The following ZNF384 variants were observed in gnomAD, a reference collection of about 807,000 sequenced individuals.
ZNF384 encodes CAG repeat protein 1.
In ZNF384, 20 loss-of-function variants were observed where a neutral mutation model predicts 65.0. The ratio of observed to expected loss-of-function variants is 0.31; its 90% confidence interval spans 0.22 to 0.45. The LOEUF (loss-of-function observed/expected upper bound fraction) is 0.45. ZNF384 is among the 20% of genes least tolerant of loss of function. The pLI is 1.00. For synonymous variants in ZNF384, 310 were observed against 303.9 expected (o/e 1.02, Z -0.21); for missense variants, 549 against 769.4 (o/e 0.71, Z 3.39).
intron 2 of ZNF384, among the ~76,000 whole-genome samples, chr12:6,679,922 C>T (rs1468253797): frequency 6.6e-6 from 1 of 152,206 alleles, no homozygotes; most frequent in Non-Finnish European, 1.5e-5. Context: ...GGTGCCAGTA[C>T]CTAGCATGAC....
intron 2 of ZNF384, among the ~76,000 whole-genome samples, chr12:6,684,136 C>T (rs1264056740): frequency 6.6e-6 from 1 of 152,110 alleles, no homozygotes; most frequent in African/African-American, 2.4e-5. Context: ...TTAGTCCCTG[C>T]AACAATGAGG....
chr12:6,669,965 C>T (rs768911489), intron 10 of ZNF384, among the ~76,000 whole-genome samples: 99 of 152,024 alleles, frequency 6.5e-4, no homozygotes, highest in Non-Finnish European at 1.3e-3. Flanking sequence ...CACACACAAA[C>T]ACAAAGATGA....
chr12:6,678,924 G>C lies in ZNF384; in HGVS notation c.304+22C>G, dbSNP rs1461295723. 2 of 1,607,368 alleles carry C rather than the reference G, an allele frequency of 1.2e-6. No individual in the cohort carries two copies. Among genetic ancestry groups the C allele is most frequent in the Non-Finnish European group, 1.7e-6 (2 of 1,174,430 alleles). ...TCATGGAAGATCAACACCTCAGATT[G>C]GAGAAGAGCAGAGTTGCTCACCAGC... On this transcript the variant is annotated intron_variant, in intron 4 of 11. Transcript: ENST00000683879. The surrounding 1 kb of genome is among the most constrained non-coding windows in gnomAD (Gnocchi z 4.9).
At position 6,667,211 on chromosome 12, in the gene ZNF384, GGAA is replaced by G. The variant is rs1332059225; in HGVS notation, c.*500_*502del. 33 of 276,932 alleles carry G rather than the reference GGAA, an allele frequency of 1.2e-4. No individual in the cohort carries two copies. The East Asian group carries it at 1.7e-3, about 14-fold the overall frequency. 17.2% of individuals were successfully genotyped at this position (276,932 alleles called of 1,614,324 possible). A position where few individuals can be genotyped will look rare whatever the true frequency, so the allele number is the denominator to read the frequency against. ...AGGAAGCAAAGTGAGACGATGTAGG[GGAA>G]GAAATGGCTCTCAGGGACTGAGGCA... On this transcript the variant is annotated 3_prime_UTR_variant, in exon 12 of 12. Transcript: ENST00000683879.
Position 6,667,063 on chromosome 12 carries a change from C to G in ZNF384, c.*651G>C, listed in dbSNP as rs543536393. On this transcript the variant is annotated 3_prime_UTR_variant, in exon 12 of 12. Transcript: ENST00000683879. The stretch of plus-strand genomic sequence containing the variant: ...ATCCGTAAAACCATAACACACACTT[C>G]TAAGCCACCTGTGACCAACTTGGGA... The G allele has an allele frequency of 4.3e-6, 1 of 230,890 alleles. No homozygotes were observed. Among genetic ancestry groups the G allele is most frequent in the Admixed American group, 5.3e-5 (1 of 19,028 alleles). 14.3% of individuals were successfully genotyped at this position (230,890 alleles called of 1,614,324 possible). A position where few individuals can be genotyped will look rare whatever the true frequency, so the allele number is the denominator to read the frequency against.
Position 6,676,161 on chromosome 12 carries a change from G to A in ZNF384, c.779+1006C>T, listed in dbSNP as rs150099967. ...CTAAAAATACAAAAGAATTAGCTGG[G>A]CGTGGTGGCGCACCTATAGTCCCAG... On this transcript the variant is annotated intron_variant, in intron 7 of 11. Coordinates refer to ENST00000683879, the MANE Select transcript of ZNF384 (RefSeq NM_001385745.1). 3.5e-3 allele frequency among the ~76,000 whole-genome samples: 534 copies of A among 152,270 alleles called. 2 individuals carry two copies. Among genetic ancestry groups the A allele is most frequent in the African/African-American group, 0.013 (522 of 41,558 alleles).
intron 6 of ZNF384, among the ~76,000 whole-genome samples, chr12:6,677,767 A>AG (rs1479449560): frequency 2.6e-5 from 4 of 152,216 alleles, no homozygotes; most frequent in Non-Finnish European, 5.9e-5. Context: ...AAGGTTTCTT[A>AG]GAAAAATAGG....
At chr12:6,675,185 C>A (rs1953022755) in intron 7 of ZNF384, among the ~76,000 whole-genome samples, 1 of 152,138 alleles carries the variant, frequency 6.6e-6, no homozygotes, top group Non-Finnish European at 1.5e-5. Context: ...AGGGAATGAG[C>A]AATCTCAGAA....
At chr12:6,670,661 G>T (rs905073778) in intron 10 of ZNF384, 99 bp downstream of exon 10, 2 of 1,098,226 alleles carry the variant, frequency 1.8e-6, no homozygotes, top group Non-Finnish European at 2.8e-6. Flanking sequence ...AATAATGTTT[G>T]AGTGTAAAGG....
intron 2 of ZNF384, among the ~76,000 whole-genome samples, chr12:6,685,579 C>G (rs1350483188): frequency 1.3e-5 from 2 of 151,832 alleles, no homozygotes; most frequent in East Asian, 1.9e-4. Context: ...TCAAGACCAG[C>G]CTGGGCAACA....
rs1444209568 is a variant in ZNF384 at position 6,666,971 on chromosome 12, G to A, written c.*743C>T. On this transcript the variant is annotated 3_prime_UTR_variant, in exon 12 of 12. Coordinates refer to ENST00000683879, the MANE Select transcript of ZNF384 (RefSeq NM_001385745.1). ...ACACAAAGCCTCCCACAGCTCCTTGGGGGTGGGTTGGGGAGACTGAGAGTA... is the reference window on the plus strand; with the variant it reads ...ACACAAAGCCTCCCACAGCTCCTTGAGGGTGGGTTGGGGAGACTGAGAGTA... The A allele has an allele frequency of 4.6e-6, 1 of 216,354 alleles. No individual in the cohort carries two copies. The highest frequency in any genetic ancestry group is 9.3e-6 in the Non-Finnish European group (1 of 107,462). The allele number at this position is 216,354 out of a possible 1,614,324, so 13.4% of individuals were successfully genotyped here. A position where few individuals can be genotyped will look rare whatever the true frequency, so the allele number is the denominator to read the frequency against.
At position 6,668,004 on chromosome 12, in the gene ZNF384, C is replaced by G; in HGVS notation, c.1537G>C (p.Ala513Pro). 6.2e-7 allele frequency: 1 copy of G among 1,613,112 alleles called. No individual in the cohort carries two copies. Among genetic ancestry groups the G allele is most frequent in the Non-Finnish European group, 8.5e-7 (1 of 1,179,594 alleles). Residue 513 changes from alanine to proline, a missense_variant, in exon 12 of 12, where the codon GCC (alanine) becomes CCC (proline). Transcript: ENST00000683879. Reference protein sequence around the residue: ...AVAQAQAQAQAQAQAQAQAQA... With the variant: ...AVAQAQAQAQPQAQAQAQAQA... ...GCTTGAGCCTGAGCCTGAGCCTGGG[C>G]TTGAGCTTGAGCCTGGGCCTGGGCC...
chr12:6,681,098 A>G (rs1955746317), intron 2 of ZNF384, among the ~76,000 whole-genome samples: 1 of 151,912 alleles, frequency 6.6e-6, no homozygotes, highest in Non-Finnish European at 1.5e-5. Flanking sequence ...GCATGCCTGT[A>G]ATCCCAGCTA....
At chr12:6,685,322 C>CAGAAAGAA (rs113284446) in intron 2 of ZNF384, among the ~76,000 whole-genome samples, 5 of 146,430 alleles carry the variant, frequency 3.4e-5, no homozygotes, top group Non-Finnish European at 7.5e-5. Flanking sequence ...GACCCTGTCT[C>CAGAAAGAA]AAAAAGAAAA....
At position 6,667,761 on chromosome 12, in the gene ZNF384, T is replaced by C. The variant is rs1950081997; in HGVS notation, c.1780A>G (p.Thr594Ala). ...TAEHHKDICL[T>A]VTTSTIQVEH... ...ACCTGGATGGTGCTGGTGGTGACAG[T>C]GAGGCAGATGTCCTTATGATGCTCC... The change falls in exon 12 of 12, where the codon ACT becomes GCT. Residue 594 changes from threonine to alanine, a missense_variant. Around this residue, in one of 5 missense-constraint regions of ZNF384, gnomAD observed 136 missense variants for 183.0 expected, o/e 0.74. Transcript: ENST00000683879. 6.2e-7 allele frequency: 1 copy of C among 1,614,042 alleles called. No homozygotes were observed. Among genetic ancestry groups the C allele is most frequent in the Non-Finnish European group, 8.5e-7 (1 of 1,180,028 alleles).
chr12:6,673,517 A>G lies in ZNF384; in HGVS notation c.780-77T>C. ...CTGAACCCTCCCCTCTACTTCCAAG[A>G]GAAGCCCACCTATCTGAGGTCTCTC... On this transcript the variant is annotated intron_variant, in intron 7 of 11. Transcript: ENST00000683879. The surrounding 1 kb of genome is among the most constrained non-coding windows in gnomAD (Gnocchi z 4.7). 3 of 1,315,668 alleles carry G rather than the reference A, an allele frequency of 2.3e-6. No individual in the cohort carries two copies. The highest frequency in any genetic ancestry group is 2.9e-5 in the African/African-American group (2 of 68,554). 81.5% of individuals were successfully genotyped at this position (1,315,668 alleles called of 1,614,324 possible).
At chr12:6,674,145 C>T (rs572725692) in intron 7 of ZNF384, among the ~76,000 whole-genome samples, 2 of 152,316 alleles carry the variant, frequency 1.3e-5, no homozygotes, top group Admixed American at 1.3e-4. Flanking sequence ...TGCCATCCCT[C>T]AAGCATTTGG....
In ZNF384 at chr12:6,678,706, G is replaced by A. The variant is rs1954724462; in HGVS notation, c.309C>T (p.Val103=). The change falls in exon 5 of 12, where the codon GTC becomes GTT. Residue 103 remains valine (V), a synonymous_variant. Coordinates refer to ENST00000683879, the MANE Select transcript of ZNF384 (RefSeq NM_001385745.1). The surrounding 1 kb of genome is among the most constrained non-coding windows in gnomAD (Gnocchi z 4.9). ...CTCTTCTCCACCTCTGAGAACAGGA[G>A]ACTCCTTGATTCAGAGAAGGAAAGA... ...VPSTGLMTAG[V]SCSQRWRREG... 4.3e-6 allele frequency: 7 copies of A among 1,613,984 alleles called. No homozygotes were observed. The highest frequency in any genetic ancestry group is 5.1e-6 in the Non-Finnish European group (6 of 1,179,974).
rs1201534295 is a variant in ZNF384 at position 6,667,196 on chromosome 12, G to A, written c.*518C>T. ...CTACCAGCAGTCAATAGGAAGCAAAGTGAGACGATGTAGGGGAAGAAATGG... is the reference window on the plus strand; with the variant it reads ...CTACCAGCAGTCAATAGGAAGCAAAATGAGACGATGTAGGGGAAGAAATGG... On this transcript the variant is annotated 3_prime_UTR_variant, in exon 12 of 12. Transcript: ENST00000683879. The A allele has an allele frequency of 7.3e-6, 2 of 274,482 alleles. No individual in the cohort carries two copies. Among genetic ancestry groups the A allele is most frequent in the Non-Finnish European group, 1.4e-5 (2 of 141,770 alleles). 17.0% of individuals were successfully genotyped at this position (274,482 alleles called of 1,614,324 possible). A position where few individuals can be genotyped will look rare whatever the true frequency, so the allele number is the denominator to read the frequency against.
Sources: allele counts gnomAD v4.1 joint callset (sites outside exome capture counted in the v4.1 genomes callset), GRCh38; gene constraint gnomAD v4.1.1; regional missense constraint gnomAD v4.1.1; non-coding constraint Gnocchi (gnomAD v3.1); transcripts MANE v1.5; gene names NCBI Gene and HGNC (gene_info 2026-07-23, HGNC 2026-07-21).